Variants in CDC42BPA observed in about 807,000 individuals in gnomAD.
CDC42BPA encodes CDC42 binding protein kinase alpha.
Under a neutral mutation model 223.5 loss-of-function variants are expected in CDC42BPA, and 80 were observed. That is an observed-to-expected ratio of 0.36 (90% CI 0.30 to 0.43). The LOEUF is 0.43. Among genes scored for constraint, CDC42BPA ranks in the 20% least tolerant of loss-of-function variants. The probability of loss-of-function intolerance (pLI) is 1.00; values close to 1 mark genes in which losing one functional copy is unlikely to be tolerated. For synonymous variants in CDC42BPA, 694 were observed against 718.6 expected, an observed-to-expected ratio of 0.97 and a Z score of 0.55; for missense variants, 1,743 against 2,099.9, an observed-to-expected ratio of 0.83 and a Z score of 3.32.
chr1:227,307,133 A>C (rs1692695478), intron 1 of CDC42BPA, among the ~76,000 whole-genome samples: 1 of 152,220 alleles, frequency 6.6e-6, no homozygotes, highest in Non-Finnish European at 1.5e-5. Context: ...TAGCAGGTGC[A>C]TCTTTGCAAA....
chr1:227,020,504 T>A (rs917737498), intron 32 of CDC42BPA, among the ~76,000 whole-genome samples: 1 of 152,258 alleles, frequency 6.6e-6, no homozygotes, highest in African/African-American at 2.4e-5. Context: ...TTTTATGTTA[T>A]GGAGATGGCT....
intron 9 of CDC42BPA, among the ~76,000 whole-genome samples, 165 bp downstream of exon 9, chr1:227,142,780 C>T (rs1659932696): frequency 6.6e-6 from 1 of 152,040 alleles, no homozygotes; most frequent in Admixed American, 6.5e-5. Context: ...CCACCACGCC[C>T]ACCTAAGTTT....
intron 21 of CDC42BPA, among the ~76,000 whole-genome samples, chr1:227,055,762 C>CT (rs1674417721): frequency 6.6e-6 from 1 of 151,878 alleles, no homozygotes; most frequent in East Asian, 1.9e-4. Context: ...TAAGAAATAT[C>CT]TTTAAGTAAA....
At chr1:227,159,455 C>T (rs1228463233) in intron 6 of CDC42BPA, among the ~76,000 whole-genome samples, 1 of 152,012 alleles carries the variant, frequency 6.6e-6, no homozygotes, top group South Asian at 2.1e-4. Flanking sequence ...CTCTGCACTC[C>T]AGCCTAGGCA....
intron 2 of CDC42BPA, among the ~76,000 whole-genome samples, chr1:227,216,049 C>A (rs115150854): frequency 9.9e-5 from 15 of 151,896 alleles, no homozygotes; most frequent in Admixed American, 1.3e-4. Flanking sequence ...AATGTTAATA[C>A]GGAAAAGTTC....
intron 10 of CDC42BPA, among the ~76,000 whole-genome samples, chr1:227,130,866 A>G (rs1473214895): frequency 6.6e-6 from 1 of 152,036 alleles, no homozygotes; most frequent in Non-Finnish European, 1.5e-5. Flanking sequence ...AAAAAAACAA[A>G]CAAACAAAAG....
At chr1:227,210,337 C>T (rs1344509600) in intron 3 of CDC42BPA, among the ~76,000 whole-genome samples, 1 of 152,078 alleles carries the variant, frequency 6.6e-6, no homozygotes, top group Non-Finnish European at 1.5e-5. Flanking sequence ...TAATACTGAC[C>T]TCCAAAATGG....
intron 16 of CDC42BPA, among the ~76,000 whole-genome samples, chr1:227,087,186 T>C (rs903004869): frequency 4.6e-5 from 7 of 152,144 alleles, no homozygotes; most frequent in African/African-American, 9.7e-5. Flanking sequence ...CTCCTATGCT[T>C]ACCTTTTATA....
intron 1 of CDC42BPA, among the ~76,000 whole-genome samples, chr1:227,292,401 A>G (rs748015011): frequency 2.0e-5 from 3 of 152,212 alleles, no homozygotes; most frequent in Non-Finnish European, 4.4e-5. Flanking sequence ...AAGCGTTTCC[A>G]TATTTTTTCC....
chr1:227,010,577 T>G (rs760577973), intron 34 of CDC42BPA, among the ~76,000 whole-genome samples: 1 of 152,208 alleles, frequency 6.6e-6, no homozygotes, highest in Non-Finnish European at 1.5e-5. Context: ...GAGCTATTTC[T>G]TACAATGGGA....
chr1:227,215,789 C>T (rs1449169325), intron 2 of CDC42BPA, among the ~76,000 whole-genome samples: 1 of 152,126 alleles, frequency 6.6e-6, no homozygotes. Context: ...TCTTTCATCT[C>T]TTTAATTTCT....
intron 1 of CDC42BPA, among the ~76,000 whole-genome samples, chr1:227,316,128 GTACCACTAC>G (rs1694347998): frequency 6.6e-6 from 1 of 152,126 alleles, no homozygotes; most frequent in African/African-American, 2.4e-5. Flanking sequence ...AAAAGCCAAC[GTACCACTAC>G]TACAGACAGA....
intron 35 of CDC42BPA, among the ~76,000 whole-genome samples, chr1:226,995,944 T>G (rs930899577): frequency 2.6e-5 from 4 of 152,260 alleles, no homozygotes; most frequent in African/African-American, 9.6e-5. Context: ...CAATTGTTTT[T>G]CACATTAAGA....
chr1:227,041,688 G>A (rs561338849), intron 23 of CDC42BPA, among the ~76,000 whole-genome samples: 1 of 152,266 alleles, frequency 6.6e-6, no homozygotes, highest in African/African-American at 2.4e-5. Context: ...TGGGGTGAGA[G>A]TCTCAAATTT....
chr1:227,134,153 T>C (rs977065219), intron 10 of CDC42BPA, among the ~76,000 whole-genome samples: 3 of 152,074 alleles, frequency 2.0e-5, no homozygotes, highest in Non-Finnish European at 2.9e-5. Flanking sequence ...ACATTTTCCA[T>C]TTTTTTCCTC....
Position 227,168,809 on chromosome 1 carries a change from TTGAGCA to T in CDC42BPA, c.600-8179_600-8174del, listed in dbSNP as rs769708844. On this transcript the variant is annotated intron_variant, in intron 5 of 36. Transcript: ENST00000366766. ...ACTGCACTCGGCCCCCTGGTGTTTC[TTGAGCA>T]TCTCAAATACATAAAATTATATCTT... Among the ~76,000 whole-genome samples, 23 of 152,286 alleles carry T rather than the reference TTGAGCA, an allele frequency of 1.5e-4. 1 individual carries two copies. Among genetic ancestry groups the T allele is most frequent in the East Asian group, 1.2e-3 (6 of 5,182 alleles).
intron 9 of CDC42BPA, among the ~76,000 whole-genome samples, chr1:227,142,003 T>C (rs1659763874): frequency 6.6e-6 from 1 of 151,988 alleles, no homozygotes; most frequent in South Asian, 2.1e-4. Flanking sequence ...AAATAGTTAC[T>C]AGGTGAGTGG....
intron 2 of CDC42BPA, among the ~76,000 whole-genome samples, chr1:227,253,057 C>T (rs1199296630): frequency 6.6e-6 from 1 of 152,004 alleles, no homozygotes; most frequent in Non-Finnish European, 1.5e-5. Flanking sequence ...TTTATAAAGC[C>T]CTAAATAAAT....
At chr1:227,157,172 A>C (rs1399132475) in intron 6 of CDC42BPA, among the ~76,000 whole-genome samples, 1 of 152,228 alleles carries the variant, frequency 6.6e-6, no homozygotes, top group African/African-American at 2.4e-5. Context: ...TTAAATAAGA[A>C]AGACAGTATA....
Sources: allele counts gnomAD v4.1 joint callset (sites outside exome capture counted in the v4.1 genomes callset), GRCh38; gene constraint gnomAD v4.1.1; transcripts MANE v1.5; gene names NCBI Gene and HGNC (gene_info 2026-07-23, HGNC 2026-07-21).